SPMAP2L: variants seen among roughly 807,000 people sequenced by gnomAD.
The protein encoded by SPMAP2L is sperm microtubule associated protein 2 like.
the SPMAP2L span, among the ~76,000 whole-genome samples, chr4:56,543,889 AGAGAGAGTGT>A: frequency 1.1e-3 from 146 of 130,202 alleles, no homozygotes; most frequent in African/African-American, 4.1e-3. Context: ...AGAGAGAGAG[AGAGAGAGTGT>A]GTGTGTGTGT....
chr4:56,558,768 C>T, the SPMAP2L span, among the ~76,000 whole-genome samples: 6 of 152,188 alleles, frequency 3.9e-5, no homozygotes, highest in South Asian at 2.1e-4. Flanking sequence ...ATCCTATTGT[C>T]GTTTGATTTT....
the SPMAP2L span, chr4:56,584,719 A>C: frequency 1.3e-6 from 1 of 780,586 alleles, no homozygotes; most frequent in Non-Finnish European, 2.1e-6. Context: ...TTTCCCTCTT[A>C]TCAAATGAAC....
chr4:56,567,442 G>GTTTTTTGTTTT, the SPMAP2L span, among the ~76,000 whole-genome samples: 1 of 65,580 alleles, frequency 1.5e-5, no homozygotes, highest in African/African-American at 6.1e-5. Context: ...AATTTTGGTG[G>GTTTTTTGTTTT]TTTTTTTTTT....
chr4:56,557,775 C>T, the SPMAP2L span: 1 of 152,074 alleles, frequency 6.6e-6, no homozygotes, highest in Non-Finnish European at 1.5e-5. Context: ...AGATCCTATC[C>T]TCTGGGGTCA....
At chr4:56,539,563 A>C in the SPMAP2L span, among the ~76,000 whole-genome samples, 4 of 152,138 alleles carry the variant, frequency 2.6e-5, no homozygotes, top group African/African-American at 9.7e-5. Flanking sequence ...CTGGGATTAC[A>C]GGCCTGCACC....
chr4:56,579,476 T>TA, the SPMAP2L span, among the ~76,000 whole-genome samples: 45,579 of 148,148 alleles, frequency 0.31, 9,952 homozygotes, highest in African/African-American at 0.62. Context: ...ATGCCTATAT[T>TA]AAAAAAAAAA....
the SPMAP2L span, chr4:56,557,876 G>A: frequency 2.6e-5 from 4 of 152,160 alleles, no homozygotes; most frequent in Admixed American, 2.6e-4. Context: ...TTAAAATGCT[G>A]TCAGTAAAGT....
chr4:56,593,565 G>A, the SPMAP2L span: 47 of 1,602,546 alleles, frequency 2.9e-5, no homozygotes, highest in Non-Finnish European at 3.8e-5. Context: ...TGCATCTTGA[G>A]GCCACCGGGA....
At chr4:56,603,819 A>G in the SPMAP2L span, among the ~76,000 whole-genome samples, 1 of 152,214 alleles carries the variant, frequency 6.6e-6, no homozygotes, top group Non-Finnish European at 1.5e-5. Flanking sequence ...GGAAAAATTG[A>G]AATACTTTTT....
At chr4:56,600,219 G>T in the SPMAP2L span, among the ~76,000 whole-genome samples, 1 of 147,234 alleles carries the variant, frequency 6.8e-6, no homozygotes, top group African/African-American at 2.5e-5. Context: ...TGCTGGGACT[G>T]ATTACAGGCA....
chr4:56,568,015 C>T, the SPMAP2L span, among the ~76,000 whole-genome samples: 1 of 152,068 alleles, frequency 6.6e-6, no homozygotes, highest in Non-Finnish European at 1.5e-5. Flanking sequence ...GAATCTGTTT[C>T]CTCACCTCTG....
At chr4:56,603,442 A>C in the SPMAP2L span, 1 of 634,820 alleles carries the variant, frequency 1.6e-6, no homozygotes, top group Non-Finnish European at 2.5e-6. Context: ...CTCCCACAAA[A>C]TGAGACCTTT....
the SPMAP2L span, among the ~76,000 whole-genome samples, chr4:56,623,609 AG>A: frequency 1.3e-5 from 2 of 152,188 alleles, no homozygotes; most frequent in Non-Finnish European, 2.9e-5. Flanking sequence ...GGGACTGAGA[AG>A]GAGGTAACGG....
At chr4:56,614,735 A>T in the SPMAP2L span, among the ~76,000 whole-genome samples, 1 of 152,186 alleles carries the variant, frequency 6.6e-6, no homozygotes. Context: ...TTCTGAGTAC[A>T]GGCATGGCAC....
At chr4:56,616,742 A>T in the SPMAP2L span, among the ~76,000 whole-genome samples, 1 of 152,330 alleles carries the variant, frequency 6.6e-6, no homozygotes, top group East Asian at 1.9e-4. Flanking sequence ...TCTCTGCTGA[A>T]TAATTCCAAG....
the SPMAP2L span, chr4:56,531,112 A>G: frequency 5.2e-6 from 8 of 1,534,996 alleles, no homozygotes; most frequent in Non-Finnish European, 7.0e-6. Context: ...CGCAGTAATG[A>G]TCTCCCCCTC....
chr4:56,569,579 G>A, the SPMAP2L span, among the ~76,000 whole-genome samples: 2 of 152,112 alleles, frequency 1.3e-5, no homozygotes, highest in Admixed American at 6.6e-5. Flanking sequence ...GGAAGCCCAG[G>A]TGGGTGGATC....
chr4:56,576,884 T>G, the SPMAP2L span, among the ~76,000 whole-genome samples: 2 of 152,208 alleles, frequency 1.3e-5, no homozygotes. Flanking sequence ...GTTAAAACAT[T>G]TTGTACTTTT....
At chr4:56,614,687 A>G in the SPMAP2L span, among the ~76,000 whole-genome samples, 1 of 152,192 alleles carries the variant, frequency 6.6e-6, no homozygotes, top group Admixed American at 6.5e-5. Flanking sequence ...TGCCTCCAGC[A>G]TGCTTGTGAA....
Sources: allele counts gnomAD v4.1 joint callset (sites outside exome capture counted in the v4.1 genomes callset), GRCh38; gene constraint gnomAD v4.1.1; transcripts MANE v1.5; gene names NCBI Gene and HGNC (gene_info 2026-07-23, HGNC 2026-07-21).